Variants in UNC5D observed in about 807,000 individuals in gnomAD.
UNC5D encodes the protein unc-5 netrin receptor D.
UNC5D carries 39 observed loss-of-function variants against 105.4 expected under a neutral mutation model. The ratio of observed to expected loss-of-function variants is 0.37; its 90% confidence interval spans 0.29 to 0.48. UNC5D has a LOEUF of 0.48. UNC5D is among the 20% of genes least tolerant of loss of function. UNC5D has a pLI of 0.98. For missense variants in UNC5D, 991 were observed against 1,202.4 expected, an observed-to-expected ratio of 0.82 and a Z score of 2.60; for synonymous variants, 452 against 450.4, an observed-to-expected ratio of 1.00 and a Z score of -0.04.
chr8:35,445,139 C>T (rs1052899333), intron 1 of UNC5D, among the ~76,000 whole-genome samples: 1 of 151,918 alleles, frequency 6.6e-6, no homozygotes, highest in Non-Finnish European at 1.5e-5. Flanking sequence ...AACTTCCTGC[C>T]TCCCTGTCTC....
chr8:35,602,766 C>T (rs906852119), intron 4 of UNC5D, among the ~76,000 whole-genome samples: 1 of 152,064 alleles, frequency 6.6e-6, no homozygotes, highest in African/African-American at 2.4e-5. Flanking sequence ...TACATGTGCA[C>T]AATGTGCAGG....
At chr8:35,644,161 G>T (rs755442322) in intron 4 of UNC5D, among the ~76,000 whole-genome samples, 5 of 152,088 alleles carry the variant, frequency 3.3e-5, no homozygotes, top group Non-Finnish European at 7.4e-5. Context: ...AAAAGTCCAG[G>T]CTCTACTGGG....
chr8:35,674,706 C>T (rs1284566842), intron 4 of UNC5D, among the ~76,000 whole-genome samples: 1 of 152,132 alleles, frequency 6.6e-6, no homozygotes, highest in Non-Finnish European at 1.5e-5. Context: ...TAAAGGCTTC[C>T]TCGTGCTTCC....
chr8:35,301,300 A>G (rs1267196865), intron 1 of UNC5D, among the ~76,000 whole-genome samples: 1 of 152,222 alleles, frequency 6.6e-6, no homozygotes, highest in Non-Finnish European at 1.5e-5. Flanking sequence ...AAGTCAATAA[A>G]TAACAATGGT....
At chr8:35,542,851 C>T (rs2130641339) in intron 1 of UNC5D, among the ~76,000 whole-genome samples, 1 of 152,290 alleles carries the variant, frequency 6.6e-6, no homozygotes, top group East Asian at 1.9e-4. Context: ...GGATGGAAAT[C>T]ATAGGGATGA....
intron 6 of UNC5D, among the ~76,000 whole-genome samples, chr8:35,686,303 G>A (rs183381642): frequency 6.6e-6 from 1 of 152,148 alleles, no homozygotes; most frequent in Admixed American, 6.5e-5. Flanking sequence ...AAATATGAAT[G>A]CTTGCCTCAA....
At chr8:35,446,461 A>T (rs976144541) in intron 1 of UNC5D, among the ~76,000 whole-genome samples, 5 of 152,004 alleles carry the variant, frequency 3.3e-5, no homozygotes, top group Non-Finnish European at 5.9e-5. Context: ...TTTTATTGTG[A>T]TATAAGATGT....
intron 3 of UNC5D, among the ~76,000 whole-genome samples, chr8:35,585,841 C>T (rs1818762338): frequency 6.6e-6 from 1 of 151,820 alleles, no homozygotes; most frequent in Admixed American, 6.6e-5. Flanking sequence ...TAGGAATCTA[C>T]ACGTGGCATT....
chr8:35,414,575 AT>A (rs758246516), intron 1 of UNC5D, among the ~76,000 whole-genome samples: 1 of 152,058 alleles, frequency 6.6e-6, no homozygotes, highest in African/African-American at 2.4e-5. Flanking sequence ...ATTAAAAGGG[AT>A]TTTTTTCAAA....
Position 35,572,115 on chromosome 8 carries a change from C to T in UNC5D, c.466+3874C>T, listed in dbSNP as rs140179146. Among the ~76,000 whole-genome samples, 347 of 151,900 alleles carry T rather than the reference C, an allele frequency of 2.3e-3. 1 individual carries two copies. The highest frequency in any genetic ancestry group is 4.1e-3 in the Non-Finnish European group (280 of 67,928). On this transcript the variant is annotated intron_variant, in intron 3 of 16. Coordinates refer to ENST00000404895, the MANE Select transcript of UNC5D (RefSeq NM_080872.4). ...CAGCCTGGCCAACATGTCGAAACCC[C>T]GTCTTTACAAAAAATTACAGAAATT...
intron 1 of UNC5D, among the ~76,000 whole-genome samples, chr8:35,278,573 T>A (rs185663329): frequency 3.0e-5 from 4 of 133,176 alleles, no homozygotes; most frequent in Non-Finnish European, 3.5e-5. Flanking sequence ...TTGCTAGGGA[T>A]GTAAATTTAT....
chr8:35,668,769 T>C (rs1824590252), intron 4 of UNC5D, among the ~76,000 whole-genome samples: 1 of 152,148 alleles, frequency 6.6e-6, no homozygotes, highest in African/African-American at 2.4e-5. Flanking sequence ...ACGAGTGGAA[T>C]CCTTTAAACT....
chr8:35,751,053 C>T (rs1830259356), intron 13 of UNC5D, among the ~76,000 whole-genome samples: 1 of 152,102 alleles, frequency 6.6e-6, no homozygotes, highest in South Asian at 2.1e-4. Flanking sequence ...TATTATTACT[C>T]AAATCAGTCT....
At position 35,684,697 on chromosome 8, in the gene UNC5D, C is replaced by G; in HGVS notation, c.867C>G (p.Ala289=). Reference sequence around the variant, plus strand: ...ACCCAGCTCCTCTCAATGGTGGGGCCTTTTGTGAGGGAATGTCAGTGCAGA... The same window carrying G: ...ACCCAGCTCCTCTCAATGGTGGGGCGTTTTGTGAGGGAATGTCAGTGCAGA... ...CTNPAPLNGG[A]FCEGMSVQKI... The change falls in exon 6 of 17, where the codon GCC becomes GCG. Residue 289 remains alanine (A), a synonymous_variant. Coordinates refer to ENST00000404895, the MANE Select transcript of UNC5D (RefSeq NM_080872.4). 6.2e-7 allele frequency: 1 copy of G among 1,613,868 alleles called. No homozygotes were observed. Among genetic ancestry groups the G allele is most frequent in the Non-Finnish European group, 8.5e-7 (1 of 1,179,924 alleles).
At chr8:35,544,339 G>A (rs890568807) in intron 1 of UNC5D, 278 of 1,533,882 alleles carry the variant, frequency 1.8e-4, no homozygotes, top group Non-Finnish European at 2.3e-4. Context: ...AGATGCAGCT[G>A]TATCAGTGAG....
At chr8:35,301,564 A>G (rs1009148743) in intron 1 of UNC5D, among the ~76,000 whole-genome samples, 7 of 152,208 alleles carry the variant, frequency 4.6e-5, no homozygotes, top group African/African-American at 1.7e-4. Context: ...TTACTTCGGC[A>G]TGGTAGGCTG....
intron 1 of UNC5D, among the ~76,000 whole-genome samples, chr8:35,478,846 G>T (rs1330404060): frequency 6.6e-6 from 1 of 152,118 alleles, no homozygotes; most frequent in African/African-American, 2.4e-5. Flanking sequence ...GGCTCTATTA[G>T]TTGAATTACA....
At chr8:35,705,601 A>G (rs1346478075) in intron 7 of UNC5D, among the ~76,000 whole-genome samples, 1 of 152,200 alleles carries the variant, frequency 6.6e-6, no homozygotes, top group Non-Finnish European at 1.5e-5. Context: ...TTCTGGTTGT[A>G]TATAATAGAG....
intron 1 of UNC5D, among the ~76,000 whole-genome samples, chr8:35,441,871 C>G (rs1395355006): frequency 1.3e-5 from 2 of 151,738 alleles, no homozygotes; most frequent in East Asian, 1.9e-4. Context: ...GGACAACCAA[C>G]AAGAAGCAGA....
Sources: gnomAD v4.1 joint callset for allele counts (sites outside exome capture counted in the v4.1 genomes callset) on GRCh38, gnomAD v4.1.1 for gene constraint, MANE v1.5 for transcripts, NCBI Gene and HGNC (gene_info 2026-07-23, HGNC 2026-07-21) for gene names.